The following SLC25A48 variants were observed in gnomAD, a reference collection of about 807,000 sequenced individuals.
The protein encoded by SLC25A48 is solute carrier family 25 member 48.
In SLC25A48, 29 loss-of-function variants were observed where a neutral mutation model predicts 32.2. The observed-to-expected ratio is 0.90, with a 90% CI of 0.67 to 1.23. The LOEUF (loss-of-function observed/expected upper bound fraction) is 1.23. Ranked by LOEUF, SLC25A48 falls within the 50% of genes most tolerant of loss-of-function variation. The pLI is 0.00. For synonymous variants in SLC25A48, 164 were observed against 172.3 expected, an observed-to-expected ratio of 0.95 and a Z score of 0.38; for missense variants, 399 against 422.7, an observed-to-expected ratio of 0.94 and a Z score of 0.49.
intron 3 of SLC25A48, among the ~76,000 whole-genome samples, chr5:135,785,229 T>C (rs1312047393): frequency 6.6e-6 from 1 of 152,084 alleles, no homozygotes; most frequent in East Asian, 1.9e-4. Flanking sequence ...CCTTGTCCCA[T>C]AGATCGTAAT....
intron 3 of SLC25A48, among the ~76,000 whole-genome samples, chr5:135,645,620 G>T (rs182136467): frequency 1.6e-3 from 240 of 152,302 alleles, no homozygotes; most frequent in Non-Finnish European, 3.0e-3. Flanking sequence ...AGGGAAGACA[G>T]GTCAGCCTGG....
chr5:135,854,489 T>C (rs1760149436), intron 4 of SLC25A48, among the ~76,000 whole-genome samples: 1 of 152,232 alleles, frequency 6.6e-6, no homozygotes, highest in African/African-American at 2.4e-5. Flanking sequence ...CACTTTTATG[T>C]TGTGGAGATG....
chr5:135,885,900 A>G (rs1399052917), intron 7 of SLC25A48, among the ~76,000 whole-genome samples: 2 of 152,038 alleles, frequency 1.3e-5, no homozygotes, highest in African/African-American at 4.8e-5. Context: ...GCAGAAATGG[A>G]GGGGCAGAAT....
intron 3 of SLC25A48, among the ~76,000 whole-genome samples, chr5:135,669,354 C>G (rs1396097136): frequency 6.6e-6 from 1 of 152,122 alleles, no homozygotes; most frequent in Non-Finnish European, 1.5e-5. Context: ...CTCCCACCAG[C>G]AGACTCTGAG....
intron 3 of SLC25A48, among the ~76,000 whole-genome samples, chr5:135,780,875 A>G (rs1756701979): frequency 8.7e-6 from 1 of 115,470 alleles, no homozygotes; most frequent in Non-Finnish European, 2.1e-5. Flanking sequence ...CAAGGTGGGG[A>G]GAGGATAATA....
At chr5:135,810,876 A>G (rs1172295640) in intron 3 of SLC25A48, among the ~76,000 whole-genome samples, 2 of 152,154 alleles carry the variant, frequency 1.3e-5, no homozygotes, top group Non-Finnish European at 1.5e-5. Context: ...TCTGGCTGCA[A>G]AGGGGTCTGG....
chr5:135,740,930 C>T (rs574490502), intron 3 of SLC25A48, among the ~76,000 whole-genome samples: 1 of 152,330 alleles, frequency 6.6e-6, no homozygotes, highest in South Asian at 2.1e-4. Flanking sequence ...CTACTCAATA[C>T]TGTACTTTGG....
intron 3 of SLC25A48, among the ~76,000 whole-genome samples, chr5:135,700,219 A>G (rs1192789269): frequency 1.3e-5 from 2 of 151,880 alleles, no homozygotes; most frequent in East Asian, 1.9e-4. Context: ...TAAAAATACA[A>G]AAATCAGCCG....
chr5:135,870,518 A>T (rs760821408), intron 4 of SLC25A48, among the ~76,000 whole-genome samples: 1 of 152,202 alleles, frequency 6.6e-6, no homozygotes, highest in Non-Finnish European at 1.5e-5. Context: ...AGCTGCCAGC[A>T]TAGACTACTG....
At chr5:135,610,331 A>T (rs1383279865) in intron 1 of SLC25A48, among the ~76,000 whole-genome samples, 1 of 152,208 alleles carries the variant, frequency 6.6e-6, no homozygotes, top group East Asian at 1.9e-4. Context: ...CAACCCTCAC[A>T]TATGTGCTGA....
chr5:135,672,964 A>G (rs1753689195), intron 3 of SLC25A48, among the ~76,000 whole-genome samples: 1 of 152,196 alleles, frequency 6.6e-6, no homozygotes, highest in East Asian at 1.9e-4. Flanking sequence ...TAGAATTTTT[A>G]ATAAATGAGA....
At chr5:135,866,793 C>T (rs542903056) in intron 4 of SLC25A48, among the ~76,000 whole-genome samples, 5 of 152,326 alleles carry the variant, frequency 3.3e-5, no homozygotes, top group African/African-American at 7.2e-5. Context: ...CCACTTCCTA[C>T]GGCAGTGGGT....
At chr5:135,696,626 C>T (rs1754272653) in intron 3 of SLC25A48, among the ~76,000 whole-genome samples, 1 of 152,198 alleles carries the variant, frequency 6.6e-6, no homozygotes. Flanking sequence ...TAGGACAGGT[C>T]CTGGATTGTC....
At position 135,850,441 on chromosome 5, in the gene SLC25A48, G is replaced by C. The variant is rs759618297; in HGVS notation, c.107G>C (p.Gly36Ala). The change falls in exon 3 of 8, where the codon GGC (glycine) becomes GCC (alanine). Residue 36 changes from glycine to alanine, a missense_variant. Physicochemically the swap from Gly to Ala is moderately conservative, Grantham distance 60. Transcript: ENST00000681962. ...TCTCCATAGACTCGCCTGCAGGCTG[G>C]CGTTGGCTACGGAAACACCCTCAGC... is the stretch of plus-strand genomic sequence containing the variant. ...LDTVKTRLQAGVGYGNTLSCI... is the reference protein window; with the variant it reads ...LDTVKTRLQAAVGYGNTLSCI... The C allele has an allele frequency of 3.1e-6, 5 of 1,614,068 alleles. No homozygotes were observed. Among genetic ancestry groups the C allele is most frequent in the African/African-American group, 2.7e-5 (2 of 74,942 alleles).
chr5:135,804,323 C>A (rs1220892274), intron 3 of SLC25A48, among the ~76,000 whole-genome samples: 1 of 151,562 alleles, frequency 6.6e-6, no homozygotes, highest in East Asian at 1.9e-4. Context: ...TGGTGTATAC[C>A]CCCGGCGACA....
chr5:135,776,514 G>A (rs1046739560), intron 3 of SLC25A48, among the ~76,000 whole-genome samples: 17 of 152,002 alleles, frequency 1.1e-4, no homozygotes, highest in African/African-American at 4.1e-4. Flanking sequence ...GGGGGAAGAA[G>A]ATAACATTAC....
chr5:135,635,217 T>C (rs249594), intron 3 of SLC25A48, among the ~76,000 whole-genome samples: 47,997 of 151,956 alleles, frequency 0.32, 8,024 homozygotes, highest in East Asian at 0.63. Flanking sequence ...TGCAGTGGGG[T>C]TGGTGGAACA....
chr5:135,666,060 C>T (rs997468240), intron 3 of SLC25A48, among the ~76,000 whole-genome samples: 5 of 152,286 alleles, frequency 3.3e-5, no homozygotes, highest in African/African-American at 7.2e-5. Context: ...GAGCATATAG[C>T]GGTCATCCTG....
intron 4 of SLC25A48, chr5:135,827,248 G>A: frequency 6.6e-6 from 1 of 152,218 alleles, no homozygotes; most frequent in Non-Finnish European, 1.5e-5. Context: ...CTCCCCGGGT[G>A]TAGGTTCTTT....
Sources: gnomAD v4.1 joint callset for allele counts (sites outside exome capture counted in the v4.1 genomes callset) on GRCh38, gnomAD v4.1.1 for gene constraint, MANE v1.5 for transcripts, NCBI Gene and HGNC (gene_info 2026-07-23, HGNC 2026-07-21) for gene names.